The following SIPA1L2 variants were observed in gnomAD, a reference collection of about 807,000 sequenced individuals.
SIPA1L2 encodes signal induced proliferation associated 1 like 2.
Under a neutral mutation model 163.9 loss-of-function variants are expected in SIPA1L2, and 56 were observed. The ratio of observed to expected loss-of-function variants is 0.34; its 90% CI spans 0.28 to 0.43. SIPA1L2 has a LOEUF of 0.43. SIPA1L2 is among the 20% of genes least tolerant of loss of function. SIPA1L2 has a pLI of 1.00. For missense variants in SIPA1L2, 1,974 were observed against 2,193.5 expected, an observed-to-expected ratio of 0.90 and a Z score of 2.00; for synonymous variants, 877 against 865.7, an observed-to-expected ratio of 1.01 and a Z score of -0.23.
At chr1:232,510,089 T>TACATGAC (rs1358920866) in intron 3 of SIPA1L2, among the ~76,000 whole-genome samples, 3 of 152,120 alleles carry the variant, frequency 2.0e-5, no homozygotes, top group African/African-American at 7.2e-5. Flanking sequence ...ATGGACCACA[T>TACATGAC]ACATGACGGT....
At chr1:232,571,811 C>T (rs559129236) in intron 2 of SIPA1L2, among the ~76,000 whole-genome samples, 2 of 152,178 alleles carry the variant, frequency 1.3e-5, no homozygotes, top group Non-Finnish European at 1.5e-5. Flanking sequence ...TGCTGGCTTC[C>T]GCTTCAACTT....
intron 22 of SIPA1L2, 136 bp downstream of exon 22, chr1:232,402,256 G>T: frequency 3.2e-6 from 2 of 633,792 alleles, no homozygotes; most frequent in Non-Finnish European, 2.6e-6. Context: ...GACCTCAGGA[G>T]CATCTGTTGG....
At chr1:232,558,560 T>C (rs1658853231) in intron 2 of SIPA1L2, among the ~76,000 whole-genome samples, 1 of 152,218 alleles carries the variant, frequency 6.6e-6, no homozygotes, top group Non-Finnish European at 1.5e-5. Flanking sequence ...TAGGCATTCT[T>C]GTCACATACT....
intron 18 of SIPA1L2, 99 bp from the exon 19 acceptor site, chr1:232,415,724 A>T: frequency 6.5e-7 from 1 of 1,544,372 alleles, no homozygotes; most frequent in Non-Finnish European, 8.8e-7. Flanking sequence ...TCCCAGAGTC[A>T]GTCAGTCAGA....
At chr1:232,522,387 T>C (rs1244545308) in intron 2 of SIPA1L2, among the ~76,000 whole-genome samples, 2 of 152,146 alleles carry the variant, frequency 1.3e-5, no homozygotes, top group Non-Finnish European at 2.9e-5. Flanking sequence ...GATGTATTTA[T>C]TTCCTGCCTT....
intron 2 of SIPA1L2, among the ~76,000 whole-genome samples, chr1:232,538,235 G>A (rs924790164): frequency 6.6e-6 from 1 of 152,198 alleles, no homozygotes; most frequent in Non-Finnish European, 1.5e-5. Context: ...AGCTCAGCAG[G>A]CCATGGGGCT....
At chr1:232,528,102 A>ATATATATATATATATATATATCTC (rs34779799) in intron 2 of SIPA1L2, among the ~76,000 whole-genome samples, 1 of 118,498 alleles carries the variant, frequency 8.4e-6, no homozygotes, top group Non-Finnish European at 1.8e-5. Flanking sequence ...ATATATATAT[A>ATATATATATATATATATATATCTC]ATCAACTTTC....
chr1:232,463,910 C>T (rs192030782), intron 9 of SIPA1L2, among the ~76,000 whole-genome samples: 11 of 152,206 alleles, frequency 7.2e-5, no homozygotes, highest in African/African-American at 2.6e-4. Flanking sequence ...CAGACACTGC[C>T]CTGATTTTAC....
intron 10 of SIPA1L2, among the ~76,000 whole-genome samples, chr1:232,447,042 A>G (rs1663259710): frequency 6.6e-6 from 1 of 152,240 alleles, no homozygotes; most frequent in Admixed American, 6.5e-5. Context: ...AACAGCAAGT[A>G]CTCAGGATAA....
chr1:232,429,283 T>A (rs1414238176), intron 16 of SIPA1L2, among the ~76,000 whole-genome samples: 1 of 152,176 alleles, frequency 6.6e-6, no homozygotes, highest in Non-Finnish European at 1.5e-5. Flanking sequence ...GCACTGTCAG[T>A]GGAGGCAAAC....
chr1:232,526,285 A>AT (rs1445097244), intron 2 of SIPA1L2, among the ~76,000 whole-genome samples: 23 of 152,196 alleles, frequency 1.5e-4, no homozygotes, highest in Admixed American at 3.9e-4. Context: ...CTAACTCCTC[A>AT]AAAAGCAGGC....
At chr1:232,420,774 G>C (rs1437897788) in intron 18 of SIPA1L2, among the ~76,000 whole-genome samples, 1 of 152,196 alleles carries the variant, frequency 6.6e-6, no homozygotes, top group Non-Finnish European at 1.5e-5. Context: ...GGCAGAGCTT[G>C]CAGTGAGCCG....
At chr1:232,581,456 G>A (rs1297322714) in intron 1 of SIPA1L2, among the ~76,000 whole-genome samples, 1 of 152,150 alleles carries the variant, frequency 6.6e-6, no homozygotes, top group African/African-American at 2.4e-5. Context: ...CAAGGACAGA[G>A]AGAGAGAGGA....
At chr1:232,621,819 G>A (rs762168740) in intron 1 of SIPA1L2, among the ~76,000 whole-genome samples, 41 of 151,690 alleles carry the variant, frequency 2.7e-4, no homozygotes, top group Non-Finnish European at 4.7e-4. Flanking sequence ...AACCTCGAAC[G>A]CCTGGGCTCA....
chr1:232,577,582 C>T (rs1203098325), intron 1 of SIPA1L2, among the ~76,000 whole-genome samples: 1 of 152,140 alleles, frequency 6.6e-6, no homozygotes, highest in Non-Finnish European at 1.5e-5. Context: ...TAGATGCCAT[C>T]AAGAACATTC....
At chr1:232,536,366 G>A (rs187836359) in intron 2 of SIPA1L2, among the ~76,000 whole-genome samples, 1 of 152,286 alleles carries the variant, frequency 6.6e-6, no homozygotes, top group African/African-American at 2.4e-5. Flanking sequence ...AAACTGGAGG[G>A]AATCTAACTT....
intron 18 of SIPA1L2, among the ~76,000 whole-genome samples, chr1:232,423,488 A>G (rs1189549863): frequency 6.6e-6 from 1 of 152,216 alleles, no homozygotes; most frequent in African/African-American, 2.4e-5. Flanking sequence ...TCTGATTTAT[A>G]TTTTGTTAGT....
chr1:232,450,092 T>G (rs2102886782), intron 10 of SIPA1L2, among the ~76,000 whole-genome samples: 1 of 152,320 alleles, frequency 6.6e-6, no homozygotes, highest in South Asian at 2.1e-4. Flanking sequence ...TTATAGAACA[T>G]GAGGTAGTGA....
At chr1:232,447,637 T>C (rs1360834754) in intron 10 of SIPA1L2, among the ~76,000 whole-genome samples, 2 of 152,258 alleles carry the variant, frequency 1.3e-5, no homozygotes, top group African/African-American at 4.8e-5. Context: ...GGGGGCCTTG[T>C]CTATTTACAA....
Sources: allele counts gnomAD v4.1 joint callset (sites outside exome capture counted in the v4.1 genomes callset), GRCh38; gene constraint gnomAD v4.1.1; transcripts MANE v1.5; gene names NCBI Gene and HGNC (gene_info 2026-07-23, HGNC 2026-07-21).